Variants in CLASP1 observed in about 807,000 individuals in gnomAD.
CLASP1 encodes the protein cytoplasmic linker associated protein 1.
CLASP1 carries 38 observed loss-of-function variants against 192.3 expected under a neutral mutation model. That is an observed-to-expected ratio of 0.20 (90% CI 0.15 to 0.26). CLASP1 has a LOEUF of 0.26. Among genes scored for constraint, CLASP1 ranks in the 10% least tolerant of loss-of-function variants. CLASP1 has a pLI of 1.00. For synonymous variants in CLASP1, 691 were observed against 712.8 expected, an observed-to-expected ratio of 0.97 and a Z score of 0.49; for missense variants, 1,433 against 1,932.5, an observed-to-expected ratio of 0.74 and a Z score of 4.85.
chr2:121,458,840 C>G lies in CLASP1; in HGVS notation c.1314G>C (p.Arg438=). ...CAAGCATGGCCTATAACATACTTAC[C>G]CGAATAATTAACCTAACAGCTACAA... Residue 438 remains arginine (R), a splice_region_variant and synonymous_variant, in exon 13 of 40, where the codon CGG becomes CGC. Coordinates refer to ENST00000263710, the Ensembl canonical transcript of CLASP1. The G allele has an allele frequency of 3.1e-6, 5 of 1,603,314 alleles. 1 individual carries two copies. Among genetic ancestry groups the G allele is most frequent in the South Asian group, 2.2e-5 (2 of 89,194 alleles).
chr2:121,569,691 GT>G (rs879945336), intron 2 of CLASP1, among the ~76,000 whole-genome samples: 7 of 152,066 alleles, frequency 4.6e-5, no homozygotes, highest in Admixed American at 3.3e-4. Flanking sequence ...GATATAAAAA[GT>G]TAGCAGGGCG....
exon 40 of CLASP1, chr2:121,338,064 C>T (rs2919051): frequency 0.25 from 38,416 of 152,334 alleles, 8,690 homozygotes; most frequent in African/African-American, 0.61. Context: ...TTTCAGAGCA[C>T]TTCTTTATTT....
At chr2:121,432,411 C>G (rs1400184046) in intron 19 of CLASP1, among the ~76,000 whole-genome samples, 1 of 152,128 alleles carries the variant, frequency 6.6e-6, no homozygotes, top group Non-Finnish European at 1.5e-5. Flanking sequence ...GAGCCACTGT[C>G]CCCGGCCTGT....
intron 14 of CLASP1, among the ~76,000 whole-genome samples, chr2:121,455,470 TAAC>T (rs1439702093): frequency 6.6e-6 from 1 of 152,148 alleles, no homozygotes; most frequent in African/African-American, 2.4e-5. Context: ...TATTCAGCCT[TAAC>T]AACAACAAAA....
At chr2:121,631,184 A>G (rs1476782957) in intron 1 of CLASP1, among the ~76,000 whole-genome samples, 1 of 142,430 alleles carries the variant, frequency 7.0e-6, no homozygotes, top group African/African-American at 2.6e-5. Flanking sequence ...AAAAAAAAAG[A>G]AATGAGAAGA....
At chr2:121,450,811 C>A in intron 16 of CLASP1, 102 bp downstream of exon 16, 1 of 784,048 alleles carries the variant, frequency 1.3e-6, no homozygotes, top group Non-Finnish European at 2.1e-6. Flanking sequence ...TCATGGTTAA[C>A]AAATATGTTC....
intron 6 of CLASP1, among the ~76,000 whole-genome samples, chr2:121,517,857 G>GTTTTTTTTTTT (rs1559495604): frequency 4.9e-5 from 3 of 60,630 alleles, no homozygotes; most frequent in African/African-American, 3.6e-4. Context: ...CAAGACTCAA[G>GTTTTTTTTTTT]CTTTTTTTTT....
chr2:121,608,880 T>C (rs2064811133), intron 1 of CLASP1, among the ~76,000 whole-genome samples: 1 of 152,104 alleles, frequency 6.6e-6, no homozygotes, highest in South Asian at 2.1e-4. Context: ...CCAATAATAA[T>C]AATAATAATA....
intron 2 of CLASP1, among the ~76,000 whole-genome samples, chr2:121,591,329 T>C (rs2062377502): frequency 6.6e-6 from 1 of 152,104 alleles, no homozygotes; most frequent in African/African-American, 2.4e-5. Flanking sequence ...TCCCAGTCCT[T>C]TATATATGCA....
chr2:121,584,184 A>C (rs1220014631), intron 2 of CLASP1, among the ~76,000 whole-genome samples: 1 of 152,104 alleles, frequency 6.6e-6, no homozygotes, highest in Non-Finnish European at 1.5e-5. Context: ...CCTGGGCTCA[A>C]CTGATCTTCC....
At position 121,505,225 on chromosome 2, in the gene CLASP1, C is replaced by A. The variant is rs899129581; in HGVS notation, c.645-1991G>T. 2.6e-5 allele frequency: 4 copies of A among 152,172 alleles called. 1 individual carries two copies. The highest frequency in any genetic ancestry group is 5.9e-5 in the Non-Finnish European group (4 of 68,056). The allele number at this position is 152,172 out of a possible 1,614,324, so 9.4% of individuals were successfully genotyped here. On this transcript the variant is annotated intron_variant, in intron 7 of 39. Coordinates refer to ENST00000263710, the Ensembl canonical transcript of CLASP1. ...ACTGGAAGAAGGCAAGTATTTCTTTCATTCCTGGGAGAGTATTCACCATTC... is the reference window on the plus strand; with the variant it reads ...ACTGGAAGAAGGCAAGTATTTCTTTAATTCCTGGGAGAGTATTCACCATTC...
At chr2:121,456,996 T>G (rs753743291) in intron 14 of CLASP1, among the ~76,000 whole-genome samples, 3 of 152,238 alleles carry the variant, frequency 2.0e-5, no homozygotes, top group Non-Finnish European at 4.4e-5. Flanking sequence ...AGAGGGTTCA[T>G]AGATTTTAAA....
intron 1 of CLASP1, among the ~76,000 whole-genome samples, chr2:121,610,813 C>G (rs6742339): frequency 0.3 from 17,374 of 57,162 alleles, 3,276 homozygotes; most frequent in African/African-American, 0.56. Context: ...GGAACTGGAG[C>G]AGGAGGAAGA....
At chr2:121,411,558 AT>A (rs2077712352) in intron 23 of CLASP1, among the ~76,000 whole-genome samples, 2 of 152,346 alleles carry the variant, frequency 1.3e-5, no homozygotes, top group East Asian at 1.9e-4. Context: ...CACTAAAAAA[AT>A]CTAGCACTTT....
chr2:121,524,768 A>G (rs537723540), intron 6 of CLASP1, among the ~76,000 whole-genome samples: 1 of 152,290 alleles, frequency 6.6e-6, no homozygotes, highest in Admixed American at 6.5e-5. Context: ...CTAATGCTAT[A>G]TATTTTCAAC....
intron 8 of CLASP1, among the ~76,000 whole-genome samples, chr2:121,478,899 AC>A (rs1221882661): frequency 9.4e-5 from 4 of 42,476 alleles, no homozygotes; most frequent in Admixed American, 2.6e-4. Context: ...ACACACACAC[AC>A]CACACCACAC....
chr2:121,465,729 A>G (rs1192233720), intron 9 of CLASP1, among the ~76,000 whole-genome samples: 1 of 152,246 alleles, frequency 6.6e-6, no homozygotes, highest in Admixed American at 6.5e-5. Flanking sequence ...CCTAAGCCAA[A>G]AGAACAAAGC....
chr2:121,380,378 C>A (rs991246184), intron 33 of CLASP1, among the ~76,000 whole-genome samples: 30 of 152,276 alleles, frequency 2.0e-4, no homozygotes, highest in African/African-American at 6.7e-4. Context: ...AGAGGTCAGG[C>A]CCTGATCACC....
chr2:121,522,659 T>C (rs1295279637), intron 6 of CLASP1, among the ~76,000 whole-genome samples: 1 of 152,208 alleles, frequency 6.6e-6, no homozygotes, highest in Non-Finnish European at 1.5e-5. Context: ...GTATTATTAT[T>C]ATTATTCCCC....
Sources: gnomAD v4.1 joint callset for allele counts (sites outside exome capture counted in the v4.1 genomes callset) on GRCh38, gnomAD v4.1.1 for gene constraint, MANE v1.5 for transcripts, NCBI Gene and HGNC (gene_info 2026-07-23, HGNC 2026-07-21) for gene names.